TNRC6B: variants seen among roughly 807,000 people sequenced by gnomAD.
TNRC6B encodes trinucleotide repeat containing adaptor 6B.
TNRC6B carries 52 observed loss-of-function variants against 203.6 expected under a neutral mutation model. The observed-to-expected ratio is 0.26, with a 90% CI of 0.20 to 0.32. The LOEUF (loss-of-function observed/expected upper bound fraction) is 0.32, where lower values mean the gene tolerates loss of function less well. Among genes scored for constraint, TNRC6B ranks in the 10% least tolerant of loss-of-function variants. The pLI is 1.00. For missense variants in TNRC6B, 1,923 were observed against 2,286.2 expected (o/e 0.84, Z 3.24); for synonymous variants, 838 against 845.7 (o/e 0.99, Z 0.16).
chr22:40,309,132 T>C (rs958409797), intron 16 of TNRC6B, among the ~76,000 whole-genome samples: 1 of 152,272 alleles, frequency 6.6e-6, no homozygotes, highest in African/African-American at 2.4e-5. Flanking sequence ...TTAGAGTGTC[T>C]GCAAGACAGC....
chr22:40,232,311 A>G (rs1049689771), intron 1 of TNRC6B, among the ~76,000 whole-genome samples: 2 of 152,238 alleles, frequency 1.3e-5, no homozygotes, highest in African/African-American at 2.4e-5. Context: ...GAACATGTTT[A>G]AGGGATAATG....
intron 1 of TNRC6B, among the ~76,000 whole-genome samples, chr22:40,214,557 T>TTTG (rs1191869856): frequency 1.3e-5 from 2 of 151,530 alleles, no homozygotes; most frequent in Non-Finnish European, 2.9e-5. Flanking sequence ...TGGTTTTTTT[T>TTTG]TTTATTTTGG....
chr22:40,285,529 T>C, intron 11 of TNRC6B, 116 bp from the exon 12 acceptor site: 2 of 1,262,262 alleles, frequency 1.6e-6, no homozygotes, highest in Non-Finnish European at 2.2e-6. Flanking sequence ...CAAAATTCTG[T>C]TATTCCATCG....
At chr22:40,297,476 A>AT (rs2070959587) in intron 12 of TNRC6B, among the ~76,000 whole-genome samples, 1 of 152,212 alleles carries the variant, frequency 6.6e-6, no homozygotes, top group African/African-American at 2.4e-5. Context: ...CATCTTCTAT[A>AT]TGCCATGCTC....
chr22:40,313,780 T>G (rs1404047549), intron 19 of TNRC6B, among the ~76,000 whole-genome samples: 1 of 152,226 alleles, frequency 6.6e-6, no homozygotes, highest in Non-Finnish European at 1.5e-5. Flanking sequence ...AACAATAACC[T>G]ACCACTCACT....
chr22:40,293,197 T>TTC (rs2070892630), intron 12 of TNRC6B, among the ~76,000 whole-genome samples: 2 of 139,328 alleles, frequency 1.4e-5, no homozygotes, highest in Non-Finnish European at 3.1e-5. Context: ...TTTCTTTTTT[T>TTC]TTTTTTTTTT....
chr22:40,194,051 A>C (rs547521994), intron 1 of TNRC6B, among the ~76,000 whole-genome samples: 1 of 152,298 alleles, frequency 6.6e-6, no homozygotes, highest in East Asian at 1.9e-4. Context: ...AGGCTTAGAA[A>C]GGTAGTGTGG....
intron 1 of TNRC6B, among the ~76,000 whole-genome samples, chr22:40,110,328 A>AC (rs1182780283): frequency 6.6e-6 from 1 of 152,234 alleles, no homozygotes; most frequent in Admixed American, 6.5e-5. Context: ...TAAAACCTGG[A>AC]CATAGGCCCT....
intron 15 of TNRC6B, 35 bp downstream of exon 15, chr22:40,301,368 AAT>A: frequency 6.3e-7 from 1 of 1,589,702 alleles, no homozygotes; most frequent in Non-Finnish European, 8.6e-7. Context: ...CCTTTTTAGA[AAT>A]CTACCTCTCT....
chr22:40,138,654 A>G (rs2068620678), intron 3 of TNRC6B, among the ~76,000 whole-genome samples: 1 of 152,192 alleles, frequency 6.6e-6, no homozygotes, highest in Non-Finnish European at 1.5e-5. Context: ...TAGGCATTTT[A>G]GAGCTCAGTA....
intron 1 of TNRC6B, among the ~76,000 whole-genome samples, chr22:40,232,158 G>A (rs750143595): frequency 3.3e-5 from 5 of 152,210 alleles, no homozygotes; most frequent in Admixed American, 6.5e-5. Context: ...TTAGGTGGCT[G>A]TAACTCAGTA....
intron 1 of TNRC6B, among the ~76,000 whole-genome samples, chr22:40,054,813 A>T (rs1341142677): frequency 6.6e-6 from 1 of 151,918 alleles, no homozygotes; most frequent in Non-Finnish European, 1.5e-5. Flanking sequence ...CAAGGCAGGC[A>T]GGTCACTTGA....
Position 40,319,276 on chromosome 22 carries a change from A to C in TNRC6B, c.4975-1814A>C, listed in dbSNP as rs2071302468. ...ACCCCCCCCATCTCTGAATTTAAAA[A>C]AAAAAAAGCAAATCTTGATACAATT... On this transcript the variant is annotated intron_variant, in intron 21 of 22. Coordinates refer to ENST00000454349, the MANE Select transcript of TNRC6B (RefSeq NM_001162501.2). Among the ~76,000 whole-genome samples the C allele has an allele frequency of 2.0e-5, 3 of 152,040 alleles. No homozygotes were observed. The East Asian group carries it at 5.8e-4, about 29-fold the overall frequency.
chr22:40,222,538 T>G (rs995446897), intron 1 of TNRC6B, among the ~76,000 whole-genome samples: 4 of 152,154 alleles, frequency 2.6e-5, no homozygotes, highest in Admixed American at 6.5e-5. Context: ...AGCATTCCAG[T>G]CTTGACCACT....
At chr22:40,075,822 T>C (rs571092321) in intron 1 of TNRC6B, among the ~76,000 whole-genome samples, 18 of 152,376 alleles carry the variant, frequency 1.2e-4, no homozygotes, top group Admixed American at 5.9e-4. Context: ...CTTTAACTTA[T>C]GCAGTCTGCC....
At chr22:40,164,401 A>AT (rs1330585221) in intron 4 of TNRC6B, among the ~76,000 whole-genome samples, 3 of 151,684 alleles carry the variant, frequency 2.0e-5, no homozygotes, top group Admixed American at 1.3e-4. Context: ...AAAAAAAAAA[A>AT]AAAAAAGGGC....
intron 1 of TNRC6B, among the ~76,000 whole-genome samples, chr22:40,212,641 T>C (rs1409977184): frequency 6.6e-6 from 1 of 152,114 alleles, no homozygotes; most frequent in East Asian, 1.9e-4. Flanking sequence ...GGTATTTCTT[T>C]TTTGTTTGTT....
At chr22:40,264,024 G>A (rs571198285) in intron 4 of TNRC6B, among the ~76,000 whole-genome samples, 2 of 152,324 alleles carry the variant, frequency 1.3e-5, no homozygotes, top group African/African-American at 2.4e-5. Context: ...AAACAGCTTC[G>A]CAGATGAAAT....
chr22:40,194,539 G>A (rs1253157012), intron 1 of TNRC6B, among the ~76,000 whole-genome samples: 1 of 152,226 alleles, frequency 6.6e-6, no homozygotes, highest in Non-Finnish European at 1.5e-5. Context: ...GAAGGGGGCT[G>A]TGAACTGTCT....
Sources: allele counts gnomAD v4.1 joint callset (sites outside exome capture counted in the v4.1 genomes callset), GRCh38; gene constraint gnomAD v4.1.1; transcripts MANE v1.5; gene names NCBI Gene and HGNC (gene_info 2026-07-23, HGNC 2026-07-21).